The following GAPVD1 variants were observed in gnomAD, a reference collection of about 807,000 sequenced individuals.
The protein encoded by GAPVD1 is GTPase-activating protein and VPS9 domain-containing protein 1.
A neutral mutation model predicts 155.5 loss-of-function variants in GAPVD1; 35 were observed. That is an observed-to-expected ratio of 0.23 (90% confidence interval 0.17 to 0.30). GAPVD1 has a LOEUF of 0.30. Ranked by LOEUF, GAPVD1 falls within the 10% of genes least tolerant of loss-of-function variation. GAPVD1 has a pLI of 1.00. For synonymous variants in GAPVD1, 636 were observed against 619.7 expected (o/e 1.03, Z -0.39); for missense variants, 1,429 against 1,775.7 (o/e 0.80, Z 3.51).
At chr9:125,277,503 G>A (rs1835975532) in intron 2 of GAPVD1, among the ~76,000 whole-genome samples, 1 of 152,164 alleles carries the variant, frequency 6.6e-6, no homozygotes, top group South Asian at 2.1e-4. Context: ...TCACTGGAAA[G>A]TCATGTATCC....
chr9:125,309,347 T>C (rs1450500342), intron 8 of GAPVD1: 5 of 152,150 alleles, frequency 3.3e-5, no homozygotes, highest in Admixed American at 2.6e-4. Context: ...TTTTTGTTTT[T>C]TTTTGAGATG....
chr9:125,279,783 C>T (rs1265179486), intron 2 of GAPVD1, among the ~76,000 whole-genome samples: 24 of 145,796 alleles, frequency 1.6e-4, no homozygotes, highest in African/African-American at 4.6e-4. Context: ...TTTTTTGATA[C>T]GGAGTCTTGG....
intron 6 of GAPVD1, 133 bp from the exon 7 acceptor site, chr9:125,307,280 A>T (rs1384121063): frequency 2.2e-5 from 15 of 687,434 alleles, no homozygotes; most frequent in Non-Finnish European, 3.2e-5. Context: ...AAAAAAAAAA[A>T]AAAAATTCAA....
At chr9:125,301,233 T>A (rs1268694052) in intron 4 of GAPVD1, among the ~76,000 whole-genome samples, 1 of 152,102 alleles carries the variant, frequency 6.6e-6, no homozygotes, top group East Asian at 1.9e-4. Flanking sequence ...CACATCTAGC[T>A]AATTTTCATA....
intron 1 of GAPVD1, among the ~76,000 whole-genome samples, chr9:125,266,079 A>C (rs888453435): frequency 1.3e-5 from 2 of 150,918 alleles, no homozygotes; most frequent in Admixed American, 1.3e-4. Context: ...TTTCACGTCT[A>C]TAAGGGATTA....
chr9:125,315,055 G>A (rs1843211446), intron 9 of GAPVD1, among the ~76,000 whole-genome samples: 1 of 152,082 alleles, frequency 6.6e-6, no homozygotes, highest in Non-Finnish European at 1.5e-5. Context: ...CCAAAGTGCT[G>A]GGATTACAGG....
At chr9:125,344,191 A>C (rs944490018) in intron 19 of GAPVD1, among the ~76,000 whole-genome samples, 8 of 152,214 alleles carry the variant, frequency 5.3e-5, no homozygotes, top group Admixed American at 3.3e-4. Context: ...GAAATTTCCT[A>C]GCAGTCTGTT....
chr9:125,336,351 A>T (rs1279826792), intron 15 of GAPVD1, among the ~76,000 whole-genome samples: 2 of 151,772 alleles, frequency 1.3e-5, no homozygotes, highest in Non-Finnish European at 2.9e-5. Flanking sequence ...TAGATTAATA[A>T]TTTTTTTATG....
chr9:125,307,268 C>CAAAAAA, intron 6 of GAPVD1, 145 bp from the exon 7 acceptor site: 1 of 452,876 alleles, frequency 2.2e-6, no homozygotes, highest in African/African-American at 2.8e-5. Flanking sequence ...AACTTTGTCT[C>CAAAAAA]AAAAAAAAAA....
chr9:125,288,517 A>G (rs1196775619), intron 2 of GAPVD1, among the ~76,000 whole-genome samples: 2 of 152,128 alleles, frequency 1.3e-5, no homozygotes, highest in Admixed American at 6.6e-5. Context: ...TGAAGCCTCT[A>G]ATAAGAATAT....
In GAPVD1 at chr9:125,302,060, AATTGGG is replaced by A; in HGVS notation, c.267_272del (p.Leu89_Gly90del). 1 of 1,613,128 alleles carries A rather than the reference AATTGGG, an allele frequency of 6.2e-7. No individual in the cohort carries two copies. The highest frequency in any genetic ancestry group is 1.3e-5 in the African/African-American group (1 of 74,766). On this transcript the variant is annotated inframe_deletion, in exon 5 of 28. Coordinates refer to ENST00000297933, the MANE Select transcript of GAPVD1 (RefSeq NM_001282680.3). Reference sequence around the variant, plus strand: ...ACACAATTTGTTGATGGGTATAAGCAATTGGGATTTCAGGAGACTGCTTATGGAGAA... The same window carrying A: ...ACACAATTTGTTGATGGGTATAAGCAATTTCAGGAGACTGCTTATGGAGAA...
At chr9:125,309,470 G>A (rs1295133748) in intron 8 of GAPVD1, among the ~76,000 whole-genome samples, 2 of 152,092 alleles carry the variant, frequency 1.3e-5, no homozygotes, top group Admixed American at 6.6e-5. Context: ...CAGTAGCTGG[G>A]ATTATAGATG....
Position 125,311,559 on chromosome 9 carries a change from C to T in GAPVD1, c.1442-893C>T, listed in dbSNP as rs117105576. Among the ~76,000 whole-genome samples, 129 of 152,140 alleles carry T rather than the reference C, an allele frequency of 8.5e-4. 1 individual carries two copies. The East Asian group carries it at 0.023, about 27-fold the overall frequency. On this transcript the variant is annotated intron_variant, in intron 8 of 27. Transcript: ENST00000297933. ...TTGCTTGAACCCAGGAGGCGGTGAT[C>T]GCAATGAGCCGAGACTGCGCCATTG...
intron 2 of GAPVD1, among the ~76,000 whole-genome samples, chr9:125,292,691 G>C (rs1000346887): frequency 3.3e-5 from 5 of 152,140 alleles, no homozygotes; most frequent in Non-Finnish European, 4.4e-5. Context: ...CGCCCGGCTG[G>C]TCCAGGGTAG....
At position 125,318,803 on chromosome 9, in the gene GAPVD1, G is replaced by A. The variant is rs111658276; in HGVS notation, c.1603-2630G>A. ...GGTGGCTCACACCTGTAATCCCAGC[G>A]CTTTGGGAGGCTGAGGCAGAAGGAT... On this transcript the variant is annotated intron_variant, in intron 9 of 27. Transcript: ENST00000297933. 2.4e-3 allele frequency among the ~76,000 whole-genome samples: 366 copies of A among 151,386 alleles called. 10 individuals are homozygous for A. The highest frequency in any genetic ancestry group is 2.7e-3 in the Non-Finnish European group (184 of 67,794).
At chr9:125,346,974 CT>C in intron 20 of GAPVD1, 33 bp downstream of exon 20, 1 of 1,607,092 alleles carries the variant, frequency 6.2e-7, no homozygotes, top group Non-Finnish European at 8.5e-7. Flanking sequence ...GAGTAGTAAA[CT>C]TTTATATCAT....
intron 1 of GAPVD1, among the ~76,000 whole-genome samples, chr9:125,266,243 C>T (rs1330579796): frequency 6.6e-6 from 1 of 151,396 alleles, no homozygotes; most frequent in Non-Finnish European, 1.5e-5. Flanking sequence ...TCTCCTGCCT[C>T]AGCTTCCCGA....
At position 125,332,506 on chromosome 9, in the gene GAPVD1, A is replaced by G. The variant is rs770276877; in HGVS notation, c.2309-4A>G. 1.3e-6 allele frequency: 2 copies of G among 1,567,682 alleles called. No homozygotes were observed. The highest frequency in any genetic ancestry group is 1.7e-6 in the Non-Finnish European group (2 of 1,156,306). On this transcript the variant is annotated splice_polypyrimidine_tract_variant and splice_region_variant and intron_variant, in intron 14 of 27. Transcript: ENST00000297933. ...TGTTTATTTTTTACTATTGTTTTTT[A>G]AAGGCATAAGTGCAACCTCTGAGGA... is the stretch of plus-strand genomic sequence containing the variant.
At chr9:125,341,744 G>T (rs1454129052) in intron 18 of GAPVD1, 1 of 156,212 alleles carries the variant, frequency 6.4e-6, no homozygotes, top group Non-Finnish European at 1.4e-5. Flanking sequence ...TACTTTTTTG[G>T]TGAACAGCCT....
Sources: allele counts gnomAD v4.1 joint callset (sites outside exome capture counted in the v4.1 genomes callset), GRCh38; gene constraint gnomAD v4.1.1; transcripts MANE v1.5; gene names NCBI Gene and HGNC (gene_info 2026-07-23, HGNC 2026-07-21).